Variants in DCAF6 observed in about 807,000 individuals in gnomAD.
DCAF6 encodes DDB1- and CUL4-associated factor 6.
A neutral mutation model predicts 125.1 loss-of-function variants in DCAF6; 54 were observed. The ratio of observed to expected loss-of-function variants is 0.43; its 90% CI spans 0.35 to 0.54. The LOEUF (loss-of-function observed/expected upper bound fraction) is 0.54, where lower values mean the gene tolerates loss of function less well. Ranked by LOEUF, DCAF6 falls within the 20% of genes least tolerant of loss-of-function variation. The pLI, the probability that DCAF6 is intolerant of heterozygous loss-of-function variation, is 0.01. For synonymous variants in DCAF6, 371 were observed against 390.4 expected (o/e 0.95, Z 0.58); for missense variants, 934 against 1,161.7 (o/e 0.80, Z 2.85).
At chr1:167,992,996 TC>T (rs1010892221) in intron 6 of DCAF6, among the ~76,000 whole-genome samples, 23 of 152,230 alleles carry the variant, frequency 1.5e-4, no homozygotes, top group Non-Finnish European at 5.9e-5. Context: ...AATCTGGAAT[TC>T]TAGACAATCA....
At chr1:167,882,183 T>C in the DCAF6 span, among the ~76,000 whole-genome samples, 3 of 152,140 alleles carry the variant, frequency 2.0e-5, no homozygotes, top group Non-Finnish European at 4.4e-5. Flanking sequence ...TTTCTCTGAA[T>C]TGATTAAGAA....
At chr1:167,874,829 A>G in the DCAF6 span, among the ~76,000 whole-genome samples, 44 of 152,374 alleles carry the variant, frequency 2.9e-4, no homozygotes, top group African/African-American at 8.4e-4. Context: ...GATGAATTAT[A>G]TAACATACCA....
intron 20 of DCAF6, among the ~76,000 whole-genome samples, chr1:168,067,779 GT>G (rs1246218722): frequency 1.3e-5 from 2 of 152,072 alleles, no homozygotes; most frequent in South Asian, 4.2e-4. Context: ...CCTTTGCCAT[GT>G]TTTTTGCTTT....
At chr1:168,015,037 C>G (rs1684780351) in intron 10 of DCAF6, among the ~76,000 whole-genome samples, 1 of 152,192 alleles carries the variant, frequency 6.6e-6, no homozygotes. Context: ...CTTTTTCTCT[C>G]AGAACATTAA....
chr1:167,889,688 A>C, the DCAF6 span, among the ~76,000 whole-genome samples: 1 of 152,160 alleles, frequency 6.6e-6, no homozygotes, highest in African/African-American at 2.4e-5. Context: ...TCAGCAGTGA[A>C]TACTTCGGGT....
At chr1:167,900,885 A>G in the DCAF6 span, among the ~76,000 whole-genome samples, 1 of 152,234 alleles carries the variant, frequency 6.6e-6, no homozygotes, top group Non-Finnish European at 1.5e-5. Context: ...AAGAAGGCTG[A>G]GAAACAGTTA....
At position 167,936,896 on chromosome 1, in the gene DCAF6, C is replaced by G. The variant is rs764416977; in HGVS notation, c.-16C>G. 4 of 1,583,282 alleles carry G rather than the reference C, an allele frequency of 2.5e-6. No individual in the cohort carries two copies. Among genetic ancestry groups the G allele is most frequent in the Non-Finnish European group, 3.4e-6 (4 of 1,165,818 alleles). On this transcript the variant is annotated 5_prime_UTR_variant, in exon 1 of 22. Transcript: ENST00000367840. Reference sequence around the variant, plus strand: ...CCACGCGGTGGTCTCCCCTCCCACCCGGCTCAGGCAGAGCCATGTCTCGGG... The same window carrying G: ...CCACGCGGTGGTCTCCCCTCCCACCGGGCTCAGGCAGAGCCATGTCTCGGG...
At chr1:167,864,904 A>AG in the DCAF6 span, among the ~76,000 whole-genome samples, 8 of 151,926 alleles carry the variant, frequency 5.3e-5, no homozygotes, top group African/African-American at 1.7e-4. Flanking sequence ...GGAAAAAAAA[A>AG]AAAAAAGAGC....
chr1:167,940,734 CAT>C (rs1257391383), intron 1 of DCAF6, among the ~76,000 whole-genome samples: 2 of 152,052 alleles, frequency 1.3e-5, no homozygotes, highest in Admixed American at 1.3e-4. Flanking sequence ...TGTTTCTACT[CAT>C]ATTTCTTTCC....
At chr1:167,927,977 G>A in the DCAF6 span, among the ~76,000 whole-genome samples, 98 of 152,156 alleles carry the variant, frequency 6.4e-4, no homozygotes, top group African/African-American at 2.2e-3. Context: ...ATTTTTCTGA[G>A]ATACTAAAAG....
chr1:167,903,500 G>A, the DCAF6 span, among the ~76,000 whole-genome samples: 31 of 151,830 alleles, frequency 2.0e-4, no homozygotes, highest in Non-Finnish European at 4.1e-4. Flanking sequence ...GGAGGCGAAG[G>A]TTGCAGTGAG....
chr1:168,018,394 C>T (rs991840566), intron 11 of DCAF6, among the ~76,000 whole-genome samples: 4 of 152,140 alleles, frequency 2.6e-5, no homozygotes, highest in Non-Finnish European at 5.9e-5. Context: ...TGGTTGTTCA[C>T]TCTTTGTCAT....
the DCAF6 span, chr1:167,903,956 T>A: frequency 6.2e-7 from 1 of 1,613,928 alleles, no homozygotes; most frequent in Admixed American, 1.7e-5. Context: ...TCCATGTACA[T>A]GGCACTGCTG....
chr1:167,867,795 C>T, the DCAF6 span, among the ~76,000 whole-genome samples: 6 of 151,532 alleles, frequency 4.0e-5, no homozygotes, highest in African/African-American at 1.5e-4. Context: ...AAAAAAGTTA[C>T]ACAGCAGGAA....
intron 18 of DCAF6, 78 bp downstream of exon 18, chr1:168,063,837 A>G: frequency 2.9e-6 from 4 of 1,381,848 alleles, no homozygotes; most frequent in Non-Finnish European, 4.0e-6. Flanking sequence ...ATTTATCTTC[A>G]TATATTGCCA....
chr1:168,019,291 A>G (rs6700210), intron 11 of DCAF6, among the ~76,000 whole-genome samples: 87,755 of 152,048 alleles, frequency 0.58, 27,779 homozygotes, highest in African/African-American at 0.83. Context: ...CTTGTGATCC[A>G]CCCACTGCAG....
At chr1:167,935,032 T>C (rs1444497031), upstream of DCAF6, among the ~76,000 whole-genome samples, 3 of 152,198 alleles carry the variant, frequency 2.0e-5, no homozygotes, top group African/African-American at 7.2e-5. Context: ...ATGTTATCTG[T>C]CATTCTCATA....
chr1:167,998,044 T>C (rs887070793), intron 7 of DCAF6, among the ~76,000 whole-genome samples: 1 of 151,998 alleles, frequency 6.6e-6, no homozygotes, highest in Non-Finnish European at 1.5e-5. Flanking sequence ...CCTCAAAAAA[T>C]TAGAGTTATT....
the DCAF6 span, among the ~76,000 whole-genome samples, chr1:167,904,236 C>T: frequency 1.6e-3 from 236 of 152,056 alleles, 1 homozygote; most frequent in Admixed American, 5.2e-3. Flanking sequence ...TATAAGCGTG[C>T]GCCACCATGC....
Sources: allele counts gnomAD v4.1 joint callset (sites outside exome capture counted in the v4.1 genomes callset), GRCh38; gene constraint gnomAD v4.1.1; transcripts MANE v1.5; gene names NCBI Gene and HGNC (gene_info 2026-07-23, HGNC 2026-07-21).